The following TEK variants were observed in gnomAD, a reference collection of about 807,000 sequenced individuals.
TEK encodes TEK receptor tyrosine kinase.
A neutral mutation model predicts 131.8 loss-of-function variants in TEK; 43 were observed. That is an observed-to-expected ratio of 0.33 (90% CI 0.26 to 0.42). The LOEUF (loss-of-function observed/expected upper bound fraction) is 0.42, where lower values mean the gene tolerates loss of function less well. TEK is among the 10% of genes least tolerant of loss of function. The pLI is 1.00. For synonymous variants in TEK, 580 were observed against 491.6 expected, an observed-to-expected ratio of 1.18 and a Z score of -2.38; for missense variants, 1,162 against 1,384.4, an observed-to-expected ratio of 0.84 and a Z score of 2.55.
At chr9:27,122,159 T>C (rs1564038188) in intron 1 of TEK, among the ~76,000 whole-genome samples, 1 of 152,202 alleles carries the variant, frequency 6.6e-6, no homozygotes, top group Non-Finnish European at 1.5e-5. Flanking sequence ...TGAACCCTTT[T>C]TATGTACTAG....
chr9:27,227,158 T>G (rs1331102282), intron 21 of TEK, among the ~76,000 whole-genome samples: 2 of 152,200 alleles, frequency 1.3e-5, no homozygotes, highest in Non-Finnish European at 2.9e-5. Context: ...TAGCCTTCCA[T>G]GCACATAAGG....
chr9:27,204,843 A>G (rs1233511249), intron 13 of TEK, 68 bp from the exon 14 acceptor site: 3 of 1,604,668 alleles, frequency 1.9e-6, no homozygotes, highest in Admixed American at 1.7e-5. Context: ...GTCTTCTCCC[A>G]CATACGGTGT....
intron 1 of TEK, among the ~76,000 whole-genome samples, chr9:27,152,775 TA>T (rs1212662389): frequency 6.6e-6 from 1 of 152,204 alleles, no homozygotes; most frequent in Non-Finnish European, 1.5e-5. Context: ...GCTCTGTCTC[TA>T]ATTTCTAATG....
At chr9:27,150,056 T>C (rs1250831823) in intron 1 of TEK, among the ~76,000 whole-genome samples, 1 of 152,192 alleles carries the variant, frequency 6.6e-6, no homozygotes, top group East Asian at 1.9e-4. Flanking sequence ...TTCTAGCTTT[T>C]TAGCCACCTC....
At chr9:27,109,741 G>C (rs1821257550) in intron 1 of TEK, 99 bp downstream of exon 1, 1 of 1,229,298 alleles carries the variant, frequency 8.1e-7, no homozygotes, top group African/African-American at 1.5e-5. Flanking sequence ...TGATGAACAA[G>C]GGGTGGCTGT....
At chr9:27,142,596 A>G (rs774013993) in intron 1 of TEK, among the ~76,000 whole-genome samples, 4 of 152,236 alleles carry the variant, frequency 2.6e-5, no homozygotes, top group Non-Finnish European at 5.9e-5. Flanking sequence ...GCTATTTTAG[A>G]TTCATAGTCT....
In TEK at chr9:27,206,597, G is replaced by A. The variant is rs752769971; in HGVS notation, c.2380G>A (p.Val794Met). ...AFQNVREEPAVQFNSGTLALN... is the reference protein window; with the variant it reads ...AFQNVREEPAMQFNSGTLALN... ...ATTTTTCCAGAGGGAAGAACCAGCTGTGCAGTTCAACTCAGGGACTCTGGC... is the reference window on the plus strand; with the variant it reads ...ATTTTTCCAGAGGGAAGAACCAGCTATGCAGTTCAACTCAGGGACTCTGGC... Residue 794 changes from valine (V) to methionine (M), a missense_variant, in exon 15 of 23, where the codon GTG becomes ATG. Val to Met is a conservative substitution (Grantham distance 21). Coordinates refer to ENST00000380036, the MANE Select transcript of TEK (RefSeq NM_000459.5). The A allele has an allele frequency of 1.2e-6, 2 of 1,613,934 alleles. No individual in the cohort carries two copies. The highest frequency in any genetic ancestry group is 2.2e-5 in the South Asian group (2 of 91,038).
At chr9:27,118,316 G>A (rs1821647314) in intron 1 of TEK, among the ~76,000 whole-genome samples, 1 of 152,052 alleles carries the variant, frequency 6.6e-6, no homozygotes, top group African/African-American at 2.4e-5. Context: ...GCTCACAAAG[G>A]TTAAGTGACA....
intron 21 of TEK, among the ~76,000 whole-genome samples, chr9:27,225,311 G>T (rs907538987): frequency 1.3e-5 from 2 of 152,166 alleles, no homozygotes. Context: ...AACAAAACTG[G>T]AGGCATCAAG....
intron 21 of TEK, among the ~76,000 whole-genome samples, chr9:27,221,794 G>T (rs1004098448): frequency 6.6e-6 from 1 of 152,192 alleles, no homozygotes; most frequent in African/African-American, 2.4e-5. Context: ...AGAAACCAGT[G>T]CAAAACCGCT....
In TEK at chr9:27,220,127, T is replaced by G. The variant is rs910961031; in HGVS notation, c.3182T>G (p.Leu1061Arg). 10 of 1,613,796 alleles carry G rather than the reference T, an allele frequency of 6.2e-6. No homozygotes were observed. The Admixed American group carries it at 1.3e-4, about 22-fold the overall frequency. The stretch of plus-strand genomic sequence containing the variant: ...CAGGGCTACAGACTGGAGAAGCCCC[T>G]GAACTGTGATGATGAGGTGTAAGTC... ...LPQGYRLEKP[L>R]NCDDEVYDLM... Residue 1061 changes from leucine to arginine, a missense_variant, in exon 21 of 23, where the codon CTG (leucine) becomes CGG (arginine). Leu to Arg is a moderately radical substitution (Grantham distance 102, BLOSUM62 -2). Transcript: ENST00000380036.
chr9:27,118,626 C>A (rs1821662613), intron 1 of TEK, among the ~76,000 whole-genome samples: 2 of 152,112 alleles, frequency 1.3e-5, no homozygotes, highest in African/African-American at 4.8e-5. Context: ...CATAGTGAGA[C>A]CTCATCTTAA....
intron 9 of TEK, among the ~76,000 whole-genome samples, chr9:27,189,647 G>A (rs951401764): frequency 6.6e-6 from 1 of 152,158 alleles, no homozygotes; most frequent in Admixed American, 6.6e-5. Context: ...GAGGCCTGAT[G>A]TTGTAGACTT....
In TEK at chr9:27,220,181, A is replaced by AC. The variant is rs1247359633; in HGVS notation, c.3200+38dup. The AC allele has an allele frequency of 7.5e-6, 12 of 1,605,504 alleles. No individual in the cohort carries two copies. The East Asian group carries it at 2.7e-4, about 36-fold the overall frequency. On this transcript the variant is annotated intron_variant, in intron 21 of 22. Transcript: ENST00000380036. ...CCTCATCCTGGGGCTATTTTGTCTT[A>AC]CCTTCCCCCTGTGTGTTTCTGGGGC...
At chr9:27,119,066 GTTTCT>G (rs1821680984) in intron 1 of TEK, among the ~76,000 whole-genome samples, 1 of 152,188 alleles carries the variant, frequency 6.6e-6, no homozygotes. Flanking sequence ...CTGTGAGCTA[GTTTCT>G]TTTATTTGTT....
chr9:27,219,968 C>G (rs1587044081), intron 20 of TEK, 81 bp from the exon 21 acceptor site: 6 of 1,433,358 alleles, frequency 4.2e-6, no homozygotes, highest in Non-Finnish European at 5.9e-6. Context: ...TCCTCCTGGC[C>G]CCTTATATTT....
chr9:27,135,896 C>G (rs955882868), intron 1 of TEK, among the ~76,000 whole-genome samples: 1 of 152,074 alleles, frequency 6.6e-6, no homozygotes, highest in Non-Finnish European at 1.5e-5. Context: ...TGTGCAGAGC[C>G]CAAGTCACTT....
intron 8 of TEK, 79 bp from the exon 9 acceptor site, chr9:27,185,403 CAAT>C: frequency 1.3e-6 from 2 of 1,544,090 alleles, no homozygotes; most frequent in Non-Finnish European, 1.8e-6. Context: ...TCTTATTAAA[CAAT>C]GAGATGGGGT....
intron 20 of TEK, among the ~76,000 whole-genome samples, chr9:27,219,028 G>A (rs373619376): frequency 9.5e-6 from 1 of 104,996 alleles, no homozygotes; most frequent in East Asian, 2.7e-4. Flanking sequence ...TGACCTGGAG[G>A]CCATGAACTT....
Sources: gnomAD v4.1 joint callset for allele counts (sites outside exome capture counted in the v4.1 genomes callset) on GRCh38, gnomAD v4.1.1 for gene constraint, MANE v1.5 for transcripts, NCBI Gene and HGNC (gene_info 2026-07-23, HGNC 2026-07-21) for gene names.